The following MINDY4B variants were observed in gnomAD, a reference collection of about 807,000 sequenced individuals.
MINDY4B encodes the protein MINDY family member 4B.
Under a neutral mutation model 16.7 loss-of-function variants are expected in MINDY4B, and 25 were observed. The observed-to-expected ratio is 1.49, with a 90% CI of 1.09 to 2.09. The LOEUF (loss-of-function observed/expected upper bound fraction) is 2.09, where lower values mean the gene tolerates loss of function less well. Among genes scored for constraint, MINDY4B ranks in the 30% most tolerant of loss-of-function variants. The pLI is 0.00. For missense variants in MINDY4B, 327 were observed against 168.4 expected, an observed-to-expected ratio of 1.94 and a Z score of -5.21; for synonymous variants, 132 against 61.9, an observed-to-expected ratio of 2.13 and a Z score of -5.32.
At chr3:150,872,973 C>T (rs1449141027) in intron 11 of MINDY4B, among the ~76,000 whole-genome samples, 2 of 152,162 alleles carry the variant, frequency 1.3e-5, no homozygotes, top group African/African-American at 4.8e-5. Flanking sequence ...CTATTTCTAA[C>T]CCCCCTGCTC....
At chr3:150,893,519 G>T in intron 4 of MINDY4B, 104 bp from the exon 5 acceptor site, 1 of 687,374 alleles carries the variant, frequency 1.5e-6, no homozygotes, top group South Asian at 1.5e-5. Context: ...AGAGCTTTGT[G>T]AAGGGACACC....
At chr3:150,883,137 TA>T (rs1443279628) in intron 9 of MINDY4B, 79 bp from the exon 10 acceptor site, 2 of 577,072 alleles carry the variant, frequency 3.5e-6, no homozygotes, top group Non-Finnish European at 6.2e-6. Flanking sequence ...TAAAAATCAT[TA>T]AAAATTATTT....
At chr3:150,892,465 C>T (rs1031296938) in intron 5 of MINDY4B, among the ~76,000 whole-genome samples, 1 of 152,164 alleles carries the variant, frequency 6.6e-6, no homozygotes, top group African/African-American at 2.4e-5. Flanking sequence ...ATATTTAGTT[C>T]CTCTTTGGGG....
intron 7 of MINDY4B, among the ~76,000 whole-genome samples, chr3:150,888,832 C>A (rs1036887065): frequency 6.6e-6 from 1 of 152,106 alleles, no homozygotes; most frequent in Non-Finnish European, 1.5e-5. Flanking sequence ...TGATCTCAAC[C>A]GTGGCTACGT....
intron 6 of MINDY4B, chr3:150,890,682 T>G (rs1711775268): frequency 3.9e-6 from 2 of 506,868 alleles, no homozygotes; most frequent in African/African-American, 1.9e-5. Context: ...ACAGTGGATA[T>G]GGAAATATCA....
chr3:150,893,353 G>C lies in MINDY4B; in HGVS notation c.492C>G (p.Thr164=). 1.4e-6 allele frequency: 1 copy of C among 702,682 alleles called. No homozygotes were observed. Among genetic ancestry groups the C allele is most frequent in the Non-Finnish European group, 2.6e-6 (1 of 384,786 alleles). 43.5% of individuals were successfully genotyped at this position (702,682 alleles called of 1,614,324 possible). Reference sequence around the variant, plus strand: ...CAAGGTTACAGTCTTTTCCTTTCCTGGTAAACAACAAGTATTTGATGATGG... The same window carrying C: ...CAAGGTTACAGTCTTTTCCTTTCCTCGTAAACAACAAGTATTTGATGATGG... ...QGSIIKYLLF[T]RKGKDCNLGN... Residue 164 remains threonine, a synonymous_variant, in exon 5 of 12, where the codon ACC becomes ACG. Transcript: ENST00000465419.
intron 7 of MINDY4B, among the ~76,000 whole-genome samples, chr3:150,888,036 G>A (rs929695999): frequency 6.6e-6 from 1 of 152,136 alleles, no homozygotes; most frequent in African/African-American, 2.4e-5. Flanking sequence ...GAACCCGGGA[G>A]GCGGAGGTTG....
At position 150,890,456 on chromosome 3, in the gene MINDY4B, T is replaced by A. The variant is rs550019976; in HGVS notation, c.688-71A>T. 9 of 536,424 alleles carry A rather than the reference T, an allele frequency of 1.7e-5. No homozygotes were observed. In the East Asian group the frequency reaches 2.7e-4, roughly 16 times the overall value. The allele number at this position is 536,424 out of a possible 1,614,324, so 33.2% of individuals were successfully genotyped here. A position where few individuals can be genotyped will look rare whatever the true frequency, so the allele number is the denominator to read the frequency against. ...TTACATCTAAGAGATGTCAACTCAC[T>A]GTTATTACCACAAGTGGGTTTTTTG... On this transcript the variant is annotated intron_variant, in intron 6 of 11. Coordinates refer to ENST00000465419, the MANE Select transcript of MINDY4B (RefSeq NM_001351281.2).
rs747293699 is a variant in MINDY4B, at chr3:150,893,354, G to T, written c.491C>A (p.Thr164Asn). ...QGSIIKYLLF[T>N]RKGKDCNLGN... ...AAGGTTACAGTCTTTTCCTTTCCTG[G>T]TAAACAACAAGTATTTGATGATGGA... Residue 164 changes from threonine to asparagine, a missense_variant, in exon 5 of 12, where the codon ACC becomes AAC. By Grantham distance (65) the Thr-to-Asn change is moderately conservative (BLOSUM62 0). Coordinates refer to ENST00000465419, the MANE Select transcript of MINDY4B (RefSeq NM_001351281.2). 1 of 702,630 alleles carries T rather than the reference G, an allele frequency of 1.4e-6. No individual in the cohort carries two copies. Among genetic ancestry groups the T allele is most frequent in the South Asian group, 1.5e-5 (1 of 67,584 alleles). 43.5% of individuals were successfully genotyped at this position (702,630 alleles called of 1,614,324 possible).
At chr3:150,882,659 C>T (rs1174970010) in intron 10 of MINDY4B, among the ~76,000 whole-genome samples, 1 of 151,430 alleles carries the variant, frequency 6.6e-6, no homozygotes, top group Non-Finnish European at 1.5e-5. Context: ...GTATGTATTA[C>T]TTTTATTACC....
intron 10 of MINDY4B, among the ~76,000 whole-genome samples, chr3:150,874,703 C>T (rs1331287215): frequency 6.6e-6 from 1 of 152,174 alleles, no homozygotes; most frequent in African/African-American, 2.4e-5. Context: ...TGTTCAGGAA[C>T]AAATTCTATT....
intron 10 of MINDY4B, among the ~76,000 whole-genome samples, chr3:150,875,751 A>G (rs1253643884): frequency 6.6e-6 from 1 of 152,154 alleles, no homozygotes; most frequent in African/African-American, 2.4e-5. Context: ...GCCCTGAGAG[A>G]TTCTGATGAA....
At chr3:150,879,687 A>C (rs982967291) in intron 10 of MINDY4B, among the ~76,000 whole-genome samples, 1 of 152,198 alleles carries the variant, frequency 6.6e-6, no homozygotes, top group Non-Finnish European at 1.5e-5. Context: ...AGAGCATTAA[A>C]CAAAGTATAG....
intron 10 of MINDY4B, among the ~76,000 whole-genome samples, chr3:150,876,680 A>G (rs1227858265): frequency 6.6e-6 from 1 of 152,164 alleles, no homozygotes; most frequent in Non-Finnish European, 1.5e-5. Context: ...CTCTAAAGGG[A>G]AAACGTAAAG....
At chr3:150,878,273 A>T (rs1162976932) in intron 10 of MINDY4B, among the ~76,000 whole-genome samples, 1 of 152,230 alleles carries the variant, frequency 6.6e-6, no homozygotes, top group Admixed American at 6.5e-5. Flanking sequence ...CTTGACTATA[A>T]ATATGCTTCA....
intron 10 of MINDY4B, among the ~76,000 whole-genome samples, chr3:150,873,966 C>A (rs923071105): frequency 7.2e-6 from 1 of 139,130 alleles, no homozygotes; most frequent in African/African-American, 2.7e-5. Flanking sequence ...AGCTTGTTAT[C>A]GGTTTTTTTC....
chr3:150,885,274 G>A (rs146273536), intron 8 of MINDY4B, 94 bp downstream of exon 8: 2 of 651,748 alleles, frequency 3.1e-6, no homozygotes, highest in Non-Finnish European at 5.6e-6. Flanking sequence ...TTGCATTCAT[G>A]TTTCCAATAT....
intron 4 of MINDY4B, 100 bp downstream of exon 4, chr3:150,894,086 T>A: frequency 1.8e-6 from 1 of 547,234 alleles, no homozygotes; most frequent in Non-Finnish European, 3.2e-6. Flanking sequence ...CTACACATGA[T>A]TATAATGAAG....
At chr3:150,884,727 T>C (rs537364457) in intron 8 of MINDY4B, among the ~76,000 whole-genome samples, 4 of 152,352 alleles carry the variant, frequency 2.6e-5, no homozygotes, top group African/African-American at 9.6e-5. Context: ...CCTCTATTTC[T>C]GACTCTCCAA....
Sources: allele counts gnomAD v4.1 joint callset (sites outside exome capture counted in the v4.1 genomes callset), GRCh38; gene constraint gnomAD v4.1.1; transcripts MANE v1.5; gene names NCBI Gene and HGNC (gene_info 2026-07-23, HGNC 2026-07-21).